Variants in AIFM3 observed in about 807,000 individuals in gnomAD.
AIFM3 encodes apoptosis-inducing factor 3.
Under a neutral mutation model 82.7 loss-of-function variants are expected in AIFM3, and 71 were observed. The ratio of observed to expected loss-of-function variants is 0.86; its 90% CI spans 0.71 to 1.05. The LOEUF is 1.05. Ranked by LOEUF, AIFM3 falls within the 50% of genes least tolerant of loss-of-function variation. AIFM3 has a pLI of 0.00. For missense variants in AIFM3, 748 were observed against 816.7 expected, an observed-to-expected ratio of 0.92 and a Z score of 1.03; for synonymous variants, 337 against 329.1, an observed-to-expected ratio of 1.02 and a Z score of -0.26.
At position 20,980,031 on chromosome 22, in the gene AIFM3, T is replaced by G. The variant is rs1601711312; in HGVS notation, c.1664T>G (p.Val555Gly). The G allele has an allele frequency of 6.2e-7, 1 of 1,610,672 alleles. No individual in the cohort carries two copies. The highest frequency in any genetic ancestry group is 1.1e-5 in the South Asian group (1 of 91,030). The part of the protein sequence containing the change: ...FVAFYTKGDE[V>G]IAVASMNYDP... ...TCCTCTCCTTGCAGAGGCGACGAGG[T>G]GATCGCCGTGGCCAGCATGAACTAC... Residue 555 changes from valine to glycine, a missense_variant, in exon 19 of 21, where the codon GTG becomes GGG. Val to Gly is a moderately radical substitution (Grantham distance 109). Coordinates refer to ENST00000440238, the MANE Select transcript of AIFM3 (RefSeq NM_001386814.1).
intron 2 of AIFM3, among the ~76,000 whole-genome samples, chr22:20,972,114 T>G (rs1271051496): frequency 6.6e-6 from 1 of 152,228 alleles, no homozygotes; most frequent in Non-Finnish European, 1.5e-5. Context: ...TTTTGAGAAG[T>G]TGAAATCGGG....
At chr22:20,979,841 C>A in intron 18 of AIFM3, 139 bp downstream of exon 18, 1 of 1,246,296 alleles carries the variant, frequency 8.0e-7, no homozygotes, top group Non-Finnish European at 1.1e-6. Flanking sequence ...TAGGAAAGCC[C>A]GAAGCTTGTG....
intron 2 of AIFM3, among the ~76,000 whole-genome samples, chr22:20,970,935 G>T (rs995511410): frequency 6.6e-6 from 1 of 152,232 alleles, no homozygotes; most frequent in African/African-American, 2.4e-5. Flanking sequence ...GCATCTTAAG[G>T]CCCAAAGGGG....
intron 19 of AIFM3, 24 bp downstream of exon 19, chr22:20,980,148 G>T: frequency 6.3e-7 from 1 of 1,599,766 alleles, no homozygotes; most frequent in Non-Finnish European, 8.5e-7. Flanking sequence ...TGGGAAGCCT[G>T]GGGGTGGGAG....
At chr22:20,977,860 C>A (rs749320787) in intron 15 of AIFM3, 28 bp from the exon 16 acceptor site, 2 of 1,613,816 alleles carry the variant, frequency 1.2e-6, no homozygotes, top group East Asian at 4.5e-5. Context: ...CTGTCACACC[C>A]ATGGAGCTCT....
In AIFM3 at chr22:20,976,938, G is replaced by A. The variant is rs551037156; in HGVS notation, c.1218G>A (p.Lys406=). ...CTGAGCTGCGGGGCCAGGAGGGAAAGGTGGGCCCTTCTCCCTTCTCCCTGC... is the reference window on the plus strand; with the variant it reads ...CTGAGCTGCGGGGCCAGGAGGGAAAAGTGGGCCCTTCTCCCTTCTCCCTGC... ...EVSELRGQEG[K]LKEVVLKSSK... is the part of the protein sequence containing the mutation. Residue 406 remains lysine, a splice_region_variant and synonymous_variant, in exon 13 of 21, where the codon AAG becomes AAA. Coordinates refer to ENST00000440238, the MANE Select transcript of AIFM3 (RefSeq NM_001386814.1). 1.2e-6 allele frequency: 2 copies of A among 1,612,230 alleles called. No homozygotes were observed. The highest frequency in any genetic ancestry group is 1.7e-6 in the Non-Finnish European group (2 of 1,178,494).
In AIFM3 at chr22:20,974,278, C is replaced by T. The variant is rs201969997; in HGVS notation, c.492C>T (p.Tyr164=). 2.4e-5 allele frequency: 39 copies of T among 1,613,678 alleles called. No homozygotes were observed. The highest frequency in any genetic ancestry group is 2.0e-4 in the African/African-American group (15 of 74,976). The change falls in exon 6 of 21, where the codon TAC becomes TAT. Residue 164 remains tyrosine (Y), a synonymous_variant. Transcript: ENST00000440238. ...FQVKIEKEKV[Y]VRASKQALQL... Reference sequence around the variant, plus strand: ...TGAAGATTGAGAAGGAGAAGGTGTACGTCCGGGCCAGCAAGCAGGTGAGGG... The same window carrying T: ...TGAAGATTGAGAAGGAGAAGGTGTATGTCCGGGCCAGCAAGCAGGTGAGGG...
intron 19 of AIFM3, chr22:20,980,466 T>C (rs1924024586): frequency 1.7e-6 from 1 of 598,492 alleles, no homozygotes; most frequent in African/African-American, 1.9e-5. Flanking sequence ...AGGTGGGAAA[T>C]GCAGCTACTG....
Position 20,975,686 on chromosome 22 carries a change from C to T in AIFM3, c.721-6C>T, listed in dbSNP as rs758769781. On this transcript the variant is annotated splice_polypyrimidine_tract_variant and splice_region_variant and intron_variant, in intron 8 of 20. Coordinates refer to ENST00000440238, the MANE Select transcript of AIFM3 (RefSeq NM_001386814.1). ...TGGCTCCTCTCAAGCTGGCTCTCCC[C>T]TGCAGTCCCTGGACACACAGCCTGA... 3 of 1,613,630 alleles carry T rather than the reference C, an allele frequency of 1.9e-6. No homozygotes were observed. The highest frequency in any genetic ancestry group is 1.1e-5 in the South Asian group (1 of 91,090).
chr22:20,972,239 TAA>T (rs1923313573), intron 2 of AIFM3, among the ~76,000 whole-genome samples: 1 of 152,068 alleles, frequency 6.6e-6, no homozygotes, highest in Non-Finnish European at 1.5e-5. Context: ...CTGTCTCTAC[TAA>T]AAATACAAAA....
chr22:20,979,238 G>A lies in AIFM3; in HGVS notation c.1478-33G>A, dbSNP rs780927445. On this transcript the variant is annotated intron_variant, in intron 16 of 20. Coordinates refer to ENST00000440238, the MANE Select transcript of AIFM3 (RefSeq NM_001386814.1). ...GGTAGTGTGGGAGTGGTAAGAGCGA[G>A]AGTTAGGGTTCTCACGGCCCTGGGT... 5 of 1,550,196 alleles carry A rather than the reference G, an allele frequency of 3.2e-6. No homozygotes were observed. The East Asian group carries it at 1.2e-4, about 38-fold the overall frequency.
rs1923984166 is a variant in AIFM3, at chr22:20,980,023, C to CG, written c.1657dup (p.Asp553GlyfsTer20). 6.2e-7 allele frequency: 1 copy of CG among 1,610,000 alleles called. No homozygotes were observed. The highest frequency in any genetic ancestry group is 8.5e-7 in the Non-Finnish European group (1 of 1,179,632). On this transcript the variant is annotated frameshift_variant, in exon 19 of 21. Coordinates refer to ENST00000440238, the MANE Select transcript of AIFM3 (RefSeq NM_001386814.1). LOFTEE classifies it high-confidence loss of function. ...CTTGGCCATCCTCTCCTTGCAGAGG[C>CG]GACGAGGTGATCGCCGTGGCCAGCA... is the stretch of plus-strand genomic sequence containing the variant.
At chr22:20,979,780 C>G (rs568784699) in intron 18 of AIFM3, 78 bp downstream of exon 18, 1 of 1,560,834 alleles carries the variant, frequency 6.4e-7, no homozygotes, top group South Asian at 1.1e-5. Flanking sequence ...AGGCAAAATC[C>G]CAGAACAAGA....
rs747934158 is a variant in AIFM3 at position 20,967,893 on chromosome 22, G to A, written c.-52G>A. On this transcript the variant is annotated 5_prime_UTR_variant, in exon 2 of 21. Coordinates refer to ENST00000440238, the MANE Select transcript of AIFM3 (RefSeq NM_001386814.1). Reference sequence around the variant, plus strand: ...CCCATGGGGGGCGCCCTAGGCCTCCGACAGCTCCCCATCTGTGCTCCTGCC... The same window carrying A: ...CCCATGGGGGGCGCCCTAGGCCTCCAACAGCTCCCCATCTGTGCTCCTGCC... The A allele has an allele frequency of 7.4e-6, 12 of 1,612,116 alleles. No homozygotes were observed. Among genetic ancestry groups the A allele is most frequent in the South Asian group, 1.1e-5 (1 of 91,078 alleles).
chr22:20,965,815 G>A (rs9613421), upstream of AIFM3, among the ~76,000 whole-genome samples: 10,281 of 152,114 alleles, frequency 0.068, 430 homozygotes, highest in South Asian at 0.13. Context: ...AGCAGGGGCC[G>A]CTCTGTGAGA....
intron 14 of AIFM3, 45 bp downstream of exon 14, chr22:20,977,140 C>CT: frequency 6.2e-7 from 1 of 1,611,846 alleles, no homozygotes; most frequent in Non-Finnish European, 8.5e-7. Context: ...GCCCAGCCGT[C>CT]TGCACATGCT....
chr22:20,979,819 C>A, intron 18 of AIFM3, 117 bp downstream of exon 18: 1 of 1,344,474 alleles, frequency 7.4e-7, no homozygotes. Context: ...CTGAGGAGTG[C>A]TGGAGCTTCC....
At chr22:20,974,208 G>C in intron 5 of AIFM3, 36 bp downstream of exon 5, 1 of 1,613,662 alleles carries the variant, frequency 6.2e-7, no homozygotes, top group East Asian at 2.2e-5. Context: ...GGAACCTGGG[G>C]GTGTGGGGTT....
chr22:20,975,065 CG>C (rs1344438356), intron 8 of AIFM3, among the ~76,000 whole-genome samples: 1 of 152,174 alleles, frequency 6.6e-6, no homozygotes. Flanking sequence ...TGGGTTCAAG[CG>C]ATTCTCATGC....
Sources: gnomAD v4.1 joint callset for allele counts (sites outside exome capture counted in the v4.1 genomes callset) on GRCh38, gnomAD v4.1.1 for gene constraint, MANE v1.5 for transcripts, NCBI Gene and HGNC (gene_info 2026-07-23, HGNC 2026-07-21) for gene names.